AKAP3: variants seen among roughly 807,000 people sequenced by gnomAD.
AKAP3 encodes A-kinase anchoring protein 3, also known as A-kinase anchor protein 3.
In AKAP3, 27 loss-of-function variants were observed where a neutral mutation model predicts 57.2. The ratio of observed to expected loss-of-function variants is 0.47; its 90% CI spans 0.35 to 0.65. AKAP3 has a LOEUF of 0.65. Among genes scored for constraint, AKAP3 ranks in the 30% least tolerant of loss-of-function variants. The pLI, the probability that AKAP3 is intolerant of heterozygous loss-of-function variation, is 0.01. For synonymous variants in AKAP3, 334 were observed against 392.3 expected (o/e 0.85, Z 1.76); for missense variants, 959 against 1,040.0 (o/e 0.92, Z 1.07).
chr12:4,620,700 T>C (rs1247093299), intron 5 of AKAP3, among the ~76,000 whole-genome samples: 1 of 152,128 alleles, frequency 6.6e-6, no homozygotes, highest in Non-Finnish European at 1.5e-5. Flanking sequence ...ATCATAGTTA[T>C]CGTAACAGAG....
rs140255968 is a variant in AKAP3, at chr12:4,615,781, G to C, written c.2520C>G (p.Val840=). 94 of 1,614,068 alleles carry C rather than the reference G, an allele frequency of 5.8e-5. No homozygotes were observed. The highest frequency in any genetic ancestry group is 7.4e-5 in the Non-Finnish European group (87 of 1,180,038). ...ERQLNEAVGN[V]TPLQLLDWLM... is the part of the protein sequence containing the mutation. ...GCCAGTCCAGCAGCTGCAGCGGTGT[G>C]ACATTCCCCACCGCCTCATTCAGCT... Residue 840 remains valine (V), a synonymous_variant, in exon 6 of 6, where the codon GTC becomes GTG. Coordinates refer to ENST00000228850, the MANE Select transcript of AKAP3 (RefSeq NM_001278309.2).
chr12:4,626,730 C>A lies in AKAP3; in HGVS notation c.2172G>T (p.Gly724=). 1.2e-6 allele frequency: 2 copies of A among 1,614,070 alleles called. No individual in the cohort carries two copies. Among genetic ancestry groups the A allele is most frequent in the Non-Finnish European group, 1.7e-6 (2 of 1,180,016 alleles). Residue 724 remains glycine, a synonymous_variant, in exon 5 of 6, where the codon GGG becomes GGT. Coordinates refer to ENST00000228850, the MANE Select transcript of AKAP3 (RefSeq NM_001278309.2). ...LYECLPAKGT[G]SAEAVLQNAY... ...CATTCTGCAGGACAGCTTCTGCTGACCCTGTGCCCTTGGCTGGTAAGCACT... is the reference window on the plus strand; with the variant it reads ...CATTCTGCAGGACAGCTTCTGCTGAACCTGTGCCCTTGGCTGGTAAGCACT...
Position 4,615,599 on chromosome 12 carries a change from CAT to C in AKAP3, c.*138_*139del. On this transcript the variant is annotated 3_prime_UTR_variant, in exon 6 of 6. Coordinates refer to ENST00000228850, the MANE Select transcript of AKAP3 (RefSeq NM_001278309.2). ...AAATCCAGTGGCTAGCACAAGATGA[CAT>C]GTCTTTGATGAGAGTGGTGTGAAGA... 1 of 1,092,096 alleles carries C rather than the reference CAT, an allele frequency of 9.2e-7. No homozygotes were observed. The highest frequency in any genetic ancestry group is 1.6e-5 in the African/African-American group (1 of 62,736). The allele number at this position is 1,092,096 out of a possible 1,614,324, so 67.7% of individuals were successfully genotyped here.
chr12:4,631,271 G>C (rs1005022992), intron 4 of AKAP3: 10 of 698,560 alleles, frequency 1.4e-5, no homozygotes, highest in Non-Finnish European at 2.1e-5. Flanking sequence ...TCTCTGCTGG[G>C]TGTGAGGCAA....
intron 3 of AKAP3, among the ~76,000 whole-genome samples, chr12:4,640,174 T>C (rs987870194): frequency 7.2e-5 from 11 of 152,148 alleles, no homozygotes; most frequent in African/African-American, 2.7e-4. Context: ...TTGGTGGCGT[T>C]AAAAAATTTA....
chr12:4,648,246 G>C (rs117060358), intron 1 of AKAP3, among the ~76,000 whole-genome samples: 1 of 152,192 alleles, frequency 6.6e-6, no homozygotes, highest in South Asian at 2.1e-4. Flanking sequence ...TTGCGCTAGA[G>C]AGAGCCATCT....
chr12:4,628,192 T>C lies in AKAP3; in HGVS notation c.710A>G (p.Lys237Arg). ...RQGPDDKPPS[K>R]KSFFYKEVFE... ...CACTTCCTTATAGAAGAAAGACTTC[T>C]TAGAAGGAGGCTTGTCATCTGGACC... is the stretch of plus-strand genomic sequence containing the variant. Residue 237 changes from lysine to arginine, a missense_variant, in exon 5 of 6, where the codon AAG becomes AGG. Coordinates refer to ENST00000228850, the MANE Select transcript of AKAP3 (RefSeq NM_001278309.2). 6.2e-7 allele frequency: 1 copy of C among 1,614,220 alleles called. No individual in the cohort carries two copies. Among genetic ancestry groups the C allele is most frequent in the Non-Finnish European group, 8.5e-7 (1 of 1,180,024 alleles).
intron 5 of AKAP3, among the ~76,000 whole-genome samples, chr12:4,622,384 C>G (rs988583137): frequency 9.2e-5 from 14 of 152,214 alleles, no homozygotes; most frequent in Non-Finnish European, 2.9e-5. Flanking sequence ...TCAAACTATA[C>G]TCCAGGACCA....
Position 4,649,010 on chromosome 12 carries a change from C to T in AKAP3, c.-510G>A. On this transcript the variant is annotated 5_prime_UTR_variant, in exon 1 of 6. Transcript: ENST00000228850. ...AGCTTTCTTCTTAACCAACAATCTA[C>T]CCGAAACCGTCGTTTCTTGGTTAGC... is the stretch of plus-strand genomic sequence containing the variant. 1 of 1,209,526 alleles carries T rather than the reference C, an allele frequency of 8.3e-7. No individual in the cohort carries two copies. The highest frequency in any genetic ancestry group is 1.2e-6 in the Non-Finnish European group (1 of 846,804). 74.9% of individuals were successfully genotyped at this position (1,209,526 alleles called of 1,614,324 possible).
At chr12:4,631,264 C>A (rs1160726699) in intron 4 of AKAP3, 5 of 694,768 alleles carry the variant, frequency 7.2e-6, no homozygotes, top group Non-Finnish European at 1.0e-5. Context: ...GTTATATTCT[C>A]TGCTGGGTGT....
At position 4,626,911 on chromosome 12, in the gene AKAP3, T is replaced by TGGC. The variant is rs771513014; in HGVS notation, c.1988_1990dup (p.Gly663_His664insArg). ...ATGTTCTACCATCTGCCCACTCATG[T>TGGC]GGCCATCTATCTGGCTGACAGCCAT... On this transcript the variant is annotated inframe_insertion, in exon 5 of 6. Coordinates refer to ENST00000228850, the MANE Select transcript of AKAP3 (RefSeq NM_001278309.2). 6 of 1,613,894 alleles carry TGGC rather than the reference T, an allele frequency of 3.7e-6. No individual in the cohort carries two copies. The African/African-American group carries it at 8.0e-5, about 22-fold the overall frequency.
chr12:4,638,681 A>C (rs1293346396), intron 3 of AKAP3, among the ~76,000 whole-genome samples: 1 of 152,230 alleles, frequency 6.6e-6, no homozygotes, highest in Non-Finnish European at 1.5e-5. Context: ...TACTCATACC[A>C]GCAGTAAGTC....
At chr12:4,643,750 C>T (rs555205507) in intron 2 of AKAP3, among the ~76,000 whole-genome samples, 9 of 152,140 alleles carry the variant, frequency 5.9e-5, no homozygotes, top group Non-Finnish European at 8.8e-5. Context: ...AAGGCATAAG[C>T]AACATAGGGG....
rs558830758 is a variant in AKAP3 at position 4,630,553 on chromosome 12, T to C, written c.97-1748A>G. Among the ~76,000 whole-genome samples, 175 of 152,350 alleles carry C rather than the reference T, an allele frequency of 1.1e-3. 1 individual carries two copies. Among genetic ancestry groups the C allele is most frequent in the African/African-American group, 4.0e-3 (167 of 41,584 alleles). ...GTTATCATGTCGGAGTTAAGATCCATTGTGCTTGGTTCAAAATTCTCCCAA... is the reference window on the plus strand; with the variant it reads ...GTTATCATGTCGGAGTTAAGATCCACTGTGCTTGGTTCAAAATTCTCCCAA... On this transcript the variant is annotated intron_variant, in intron 4 of 5. Coordinates refer to ENST00000228850, the MANE Select transcript of AKAP3 (RefSeq NM_001278309.2).
intron 3 of AKAP3, among the ~76,000 whole-genome samples, chr12:4,641,107 C>T (rs1945632752): frequency 8.9e-6 from 1 of 112,338 alleles, no homozygotes; most frequent in Non-Finnish European, 1.7e-5. Flanking sequence ...AAGTCTCACT[C>T]TGTTGGCCAG....
At chr12:4,631,459 T>C (rs1945497025) in intron 4 of AKAP3, 1 of 649,928 alleles carries the variant, frequency 1.5e-6, no homozygotes, top group African/African-American at 1.8e-5. Flanking sequence ...AAACTGTCTC[T>C]ATCAGTGTCT....
At chr12:4,647,668 C>T (rs896594295) in intron 1 of AKAP3, among the ~76,000 whole-genome samples, 4 of 152,060 alleles carry the variant, frequency 2.6e-5, no homozygotes, top group African/African-American at 7.2e-5. Context: ...TCTGTTGATC[C>T]GAACAAGGAA....
chr12:4,643,695 T>A (rs1214655528), intron 2 of AKAP3, among the ~76,000 whole-genome samples: 1 of 152,198 alleles, frequency 6.6e-6, no homozygotes, highest in Non-Finnish European at 1.5e-5. Context: ...AATGTGATGA[T>A]TACTTCAAGT....
In AKAP3 at chr12:4,638,294, G is replaced by A. The variant is rs1332248311; in HGVS notation, c.1-98C>T. On this transcript the variant is annotated intron_variant, in intron 3 of 5. Transcript: ENST00000228850. Reference sequence around the variant, plus strand: ...TAAAGGGCTAAAGCACGGGAAAGATGAACAATGCCTTCAATAGAGACCTTC... The same window carrying A: ...TAAAGGGCTAAAGCACGGGAAAGATAAACAATGCCTTCAATAGAGACCTTC... 7.2e-5 allele frequency: 60 copies of A among 830,294 alleles called. 1 individual carries two copies. Among genetic ancestry groups the A allele is most frequent in the South Asian group, 1.8e-4 (11 of 62,168 alleles). 51.4% of individuals were successfully genotyped at this position (830,294 alleles called of 1,614,324 possible).
Sources: allele counts gnomAD v4.1 joint callset (sites outside exome capture counted in the v4.1 genomes callset), GRCh38; gene constraint gnomAD v4.1.1; transcripts MANE v1.5; gene names NCBI Gene and HGNC (gene_info 2026-07-23, HGNC 2026-07-21).